Variants in MIA2 observed in about 807,000 individuals in gnomAD.
MIA2 encodes melanoma inhibitory activity protein 2.
MIA2 carries 127 observed loss-of-function variants against 167.8 expected under a neutral mutation model. The ratio of observed to expected loss-of-function variants is 0.76; its 90% CI spans 0.66 to 0.88. The LOEUF is 0.88. MIA2 is among the 40% of genes least tolerant of loss of function. The pLI, the probability that MIA2 is intolerant of heterozygous loss-of-function variation, is 0.00. For missense variants in MIA2, 1,690 were observed against 1,624.7 expected (o/e 1.04, Z -0.69); for synonymous variants, 552 against 541.9 (o/e 1.02, Z -0.26).
intron 23 of MIA2, among the ~76,000 whole-genome samples, chr14:39,374,818 C>T (rs1193538427): frequency 2.6e-5 from 4 of 152,312 alleles, no homozygotes; most frequent in Non-Finnish European, 5.9e-5. Context: ...ATGAGAAACT[C>T]ATTTTGCGTG....
At chr14:39,280,265 GCC>G (rs2058723511) in intron 9 of MIA2, among the ~76,000 whole-genome samples, 1 of 151,832 alleles carries the variant, frequency 6.6e-6, no homozygotes, top group African/African-American at 2.4e-5. Flanking sequence ...TTTATAACAA[GCC>G]TTAGTATCTG....
intron 9 of MIA2, among the ~76,000 whole-genome samples, chr14:39,283,115 C>A (rs1249043170): frequency 2.0e-5 from 3 of 152,146 alleles, no homozygotes; most frequent in South Asian, 4.1e-4. Context: ...TAAATATATA[C>A]CACAGTTTCT....
Position 39,247,258 on chromosome 14 carries a change from AT to A in MIA2, c.686del (p.Leu229TrpfsTer28). ...AVSGVKEWFG[L>X]GGEQAEEKAF... ...TGTCTGGAGTCAAAGAATGGTTTGGATTGGGAGGAGAACAAGCTGAAGAGAA... is the reference window on the plus strand; with the variant it reads ...TGTCTGGAGTCAAAGAATGGTTTGGATGGGAGGAGAACAAGCTGAAGAGAA... On this transcript the variant is annotated frameshift_variant, in exon 4 of 29. Transcript: ENST00000640607. LOFTEE classifies it high-confidence loss of function. The A allele has an allele frequency of 6.2e-7, 1 of 1,614,044 alleles. No individual in the cohort carries two copies. Among genetic ancestry groups the A allele is most frequent in the Non-Finnish European group, 8.5e-7 (1 of 1,180,020 alleles).
downstream of MIA2, among the ~76,000 whole-genome samples, chr14:39,353,850 T>G (rs997110170): frequency 6.6e-6 from 1 of 152,222 alleles, no homozygotes; most frequent in Non-Finnish European, 1.5e-5. Context: ...TTGCTGAGAA[T>G]GTTGGTTTCC....
intron 24 of MIA2, among the ~76,000 whole-genome samples, chr14:39,325,597 G>A (rs1399770401): frequency 1.6e-4 from 25 of 151,590 alleles, no homozygotes; most frequent in Admixed American, 5.9e-4. Context: ...TCGATCTCCT[G>A]ACCTTGTGAC....
In MIA2 at chr14:39,299,305, CTTTTTT is replaced by C. The variant is rs34424266; in HGVS notation, c.2497-543_2497-538del. ...GATCTGTTCTAGATTAATGGTATTT[CTTTTTT>C]TTTTTTTTTTTTTTTGAGACGGAGT... On this transcript the variant is annotated intron_variant, in intron 13 of 28. Transcript: ENST00000640607. Among the ~76,000 whole-genome samples the C allele has an allele frequency of 1.1e-3, 106 of 95,114 alleles. 2 individuals are homozygous for C. Among genetic ancestry groups the C allele is most frequent in the African/African-American group, 4.2e-3 (104 of 24,772 alleles). The allele number at this position is 95,114 out of a possible 152,430, so 62.4% of individuals were successfully genotyped here.
At chr14:39,344,779 G>T (rs574916958) in intron 25 of MIA2, among the ~76,000 whole-genome samples, 7 of 152,276 alleles carry the variant, frequency 4.6e-5, no homozygotes, top group African/African-American at 1.7e-4. Flanking sequence ...TTGGACATAT[G>T]CATGCCTAAT....
chr14:39,265,696 G>A (rs996947844), intron 6 of MIA2: 15 of 322,208 alleles, frequency 4.7e-5, no homozygotes, highest in East Asian at 4.4e-4. Flanking sequence ...GGAGTCTTCC[G>A]AAAATGTTCA....
intron 13 of MIA2, among the ~76,000 whole-genome samples, chr14:39,298,445 A>AATAAAAG (rs757305309): frequency 4.9e-5 from 5 of 101,330 alleles, no homozygotes; most frequent in Admixed American, 1.1e-4. Flanking sequence ...ATATATATAA[A>AATAAAAG]GATTAGTTTT....
intron 1 of MIA2, among the ~76,000 whole-genome samples, chr14:39,235,388 A>G (rs1399232881): frequency 6.6e-6 from 1 of 152,240 alleles, no homozygotes; most frequent in East Asian, 1.9e-4. Flanking sequence ...ATAAACATAA[A>G]TAATTTATAA....
chr14:39,385,635 T>C, intron 23 of MIA2: 1 of 844,138 alleles, frequency 1.2e-6, no homozygotes, highest in Admixed American at 1.7e-5. Flanking sequence ...TTAATATTCT[T>C]CTGGATGTTA....
At chr14:39,308,236 C>A (rs1361549207) in intron 17 of MIA2, among the ~76,000 whole-genome samples, 1 of 152,090 alleles carries the variant, frequency 6.6e-6, no homozygotes, top group Non-Finnish European at 1.5e-5. Flanking sequence ...AAATATCACA[C>A]TGTACCACAT....
At chr14:39,325,586 C>G (rs1163503152) in intron 24 of MIA2, among the ~76,000 whole-genome samples, 7 of 151,274 alleles carry the variant, frequency 4.6e-5, no homozygotes, top group African/African-American at 7.3e-5. Flanking sequence ...CCAGGATGGT[C>G]TCGATCTCCT....
intron 4 of MIA2, among the ~76,000 whole-genome samples, chr14:39,250,927 A>G (rs2054542282): frequency 6.6e-6 from 1 of 152,014 alleles, no homozygotes; most frequent in African/African-American, 2.4e-5. Flanking sequence ...ACACTACAAT[A>G]TTAAATAAGA....
rs34602556 is a variant in MIA2 at position 39,373,306 on chromosome 14, CAA to C, written c.2249-13563_2249-13562del. ...TGTTAAAAAGCAAAAAATTCTTGGC[CAA>C]AAAAAAAAAAAAAAAGCATGCCACT... On this transcript the variant is annotated intron_variant, in intron 23 of 23. Coordinates refer to the MIA2 transcript ENST00000341502. Among the ~76,000 whole-genome samples the C allele has an allele frequency of 1.7e-3, 194 of 110,934 alleles. 1 individual carries two copies. Among genetic ancestry groups the C allele is most frequent in the East Asian group, 1.9e-3 (8 of 4,238 alleles). 72.8% of individuals were successfully genotyped at this position (110,934 alleles called of 152,430 possible). A position where few individuals can be genotyped will look rare whatever the true frequency, so the allele number is the denominator to read the frequency against.
intron 23 of MIA2, chr14:39,386,189 G>T: frequency 2.1e-6 from 3 of 1,396,904 alleles, no homozygotes; most frequent in East Asian, 2.3e-5. Flanking sequence ...CTTGCTGGGG[G>T]TAAGGCTAAA....
At chr14:39,266,551 G>C (rs1004636222) in intron 6 of MIA2, 4 of 985,370 alleles carry the variant, frequency 4.1e-6, no homozygotes, top group Non-Finnish European at 4.8e-6. Flanking sequence ...CCAGATCGAG[G>C]TTCTCTTGCG....
chr14:39,240,602 G>T lies in MIA2; in HGVS notation c.291G>T (p.Gln97His). The T allele has an allele frequency of 6.2e-7, 1 of 1,613,452 alleles. No homozygotes were observed. The highest frequency in any genetic ancestry group is 1.1e-5 in the South Asian group (1 of 91,030). ...EFGYFPRDAV[Q>H]IEEVFISEEI... ...GATATTTTCCCAGAGATGCAGTCCA[G>T]ATTGAAGAGGTGTTCATATCTGAGG... The change falls in exon 3 of 29, where the codon CAG (glutamine) becomes CAT (histidine). Residue 97 changes from glutamine to histidine, a missense_variant. Physicochemically the swap from Gln to His is conservative, Grantham distance 24. Coordinates refer to ENST00000640607, the MANE Select transcript of MIA2 (RefSeq NM_001329214.4).
At chr14:39,257,732 T>C (rs1330914115) in intron 6 of MIA2, among the ~76,000 whole-genome samples, 2 of 152,226 alleles carry the variant, frequency 1.3e-5, no homozygotes, top group Admixed American at 6.5e-5. Context: ...CAGTTTTTCC[T>C]TTCCATATTT....
Sources: gnomAD v4.1 joint callset for allele counts (sites outside exome capture counted in the v4.1 genomes callset) on GRCh38, gnomAD v4.1.1 for gene constraint, MANE v1.5 for transcripts, NCBI Gene and HGNC (gene_info 2026-07-23, HGNC 2026-07-21) for gene names.